DGKI: variants seen among roughly 807,000 people sequenced by gnomAD.
DGKI encodes the protein diacylglycerol kinase iota, also known as DAG kinase iota.
Under a neutral mutation model 147.5 loss-of-function variants are expected in DGKI, and 55 were observed. The ratio of observed to expected loss-of-function variants is 0.37; its 90% CI spans 0.30 to 0.47. The LOEUF is 0.47. Ranked by LOEUF, DGKI falls within the 20% of genes least tolerant of loss-of-function variation. The probability of loss-of-function intolerance (pLI) is 1.00; values close to 1 mark genes in which losing one functional copy is unlikely to be tolerated. For synonymous variants in DGKI, 469 were observed against 477.1 expected (o/e 0.98, Z 0.22); for missense variants, 1,007 against 1,323.8 (o/e 0.76, Z 3.71).
rs1036596940 is a variant in DGKI at position 137,382,638 on chromosome 7, T to C, written c.*8582A>G. The C allele has an allele frequency of 6.6e-6, 1 of 152,102 alleles. No homozygotes were observed. The highest frequency in any genetic ancestry group is 1.5e-5 in the Non-Finnish European group (1 of 67,972). The allele number at this position is 152,102 out of a possible 1,614,324, so 9.4% of individuals were successfully genotyped here. ...AATATCTGCTAACACTATCAGTTGT[T>C]TGAGATTACCATGAGAATTTGTGTT... On this transcript the variant is annotated 3_prime_UTR_variant, in exon 33 of 33. Coordinates refer to ENST00000614521, the MANE Select transcript of DGKI (RefSeq NM_001321708.2).
chr7:137,633,291 C>A (rs949821073), intron 6 of DGKI, among the ~76,000 whole-genome samples: 1 of 151,048 alleles, frequency 6.6e-6, no homozygotes, highest in Non-Finnish European at 1.5e-5. Flanking sequence ...ACAAATCCAT[C>A]AGTATTAATT....
At chr7:137,674,359 T>C (rs1253796065) in intron 3 of DGKI, among the ~76,000 whole-genome samples, 1 of 152,076 alleles carries the variant, frequency 6.6e-6, no homozygotes, top group Non-Finnish European at 1.5e-5. Context: ...CCCTCCAATA[T>C]CAGTCCCCAA....
chr7:137,493,628 C>T (rs1815852143), intron 21 of DGKI, among the ~76,000 whole-genome samples: 1 of 152,082 alleles, frequency 6.6e-6, no homozygotes, highest in South Asian at 2.1e-4. Flanking sequence ...CATAATCAAA[C>T]ACCCAACAAC....
At chr7:137,641,878 C>T (rs577451648) in intron 6 of DGKI, among the ~76,000 whole-genome samples, 2 of 152,294 alleles carry the variant, frequency 1.3e-5, no homozygotes, top group African/African-American at 4.8e-5. Context: ...TACCATAATG[C>T]TAGGTTTGGA....
At chr7:137,775,792 C>G (rs1044428092) in intron 1 of DGKI, among the ~76,000 whole-genome samples, 1 of 152,140 alleles carries the variant, frequency 6.6e-6, no homozygotes, top group Non-Finnish European at 1.5e-5. Flanking sequence ...GGATACTATC[C>G]TATCATTAGA....
In DGKI at chr7:137,485,376, G is replaced by T; in HGVS notation, c.2371C>A (p.Gln791Lys). 6.2e-7 allele frequency: 1 copy of T among 1,606,720 alleles called. No homozygotes were observed. The highest frequency in any genetic ancestry group is 2.2e-5 in the East Asian group (1 of 44,682). ...AAGGAGAGTCAATTATTTGTTACCT[G>T]GTAATGAACTCTCTGGGAGCCAGAA... is the stretch of plus-strand genomic sequence containing the variant. ...VSSGSQRVHY[Q>K]DHETSFPRAL... is the part of the protein sequence containing the mutation. Residue 791 changes from glutamine to lysine, a missense_variant and splice_region_variant, in exon 23 of 33, where the codon CAG (glutamine) becomes AAG (lysine). Transcript: ENST00000614521.
intron 28 of DGKI, among the ~76,000 whole-genome samples, chr7:137,414,360 C>T (rs1412805497): frequency 2.0e-5 from 3 of 152,146 alleles, no homozygotes; most frequent in Admixed American, 6.5e-5. Context: ...AAAAGTGCCT[C>T]GCCATAACAA....
At chr7:137,420,007 T>G (rs558533967) in intron 28 of DGKI, among the ~76,000 whole-genome samples, 1 of 152,368 alleles carries the variant, frequency 6.6e-6, no homozygotes, top group Admixed American at 6.5e-5. Flanking sequence ...AGAGATAGTT[T>G]GTCTTTGTTA....
At chr7:137,396,620 T>C (rs1167876067) in intron 31 of DGKI, among the ~76,000 whole-genome samples, 2 of 152,210 alleles carry the variant, frequency 1.3e-5, no homozygotes, top group Non-Finnish European at 2.9e-5. Flanking sequence ...ACTGCTTCTC[T>C]TCGTCCTCCA....
chr7:137,522,618 T>C (rs948517764), intron 20 of DGKI, among the ~76,000 whole-genome samples: 3 of 152,110 alleles, frequency 2.0e-5, no homozygotes, highest in African/African-American at 7.2e-5. Context: ...TAACTCATTT[T>C]GAAAGAATTC....
At position 137,620,027 on chromosome 7, in the gene DGKI, A is replaced by G. The variant is rs6980225; in HGVS notation, c.877-87T>C. The G allele has an allele frequency of 2.9e-3, 2,005 of 701,262 alleles. 17 individuals carry two copies. The African/African-American group carries it at 0.039, about 14-fold the overall frequency. 43.4% of individuals were successfully genotyped at this position (701,262 alleles called of 1,614,324 possible). ...GATAAATATGTACACACGCACACACACACACACACACACACACACACACAC... is the reference window on the plus strand; with the variant it reads ...GATAAATATGTACACACGCACACACGCACACACACACACACACACACACAC... On this transcript the variant is annotated intron_variant, in intron 7 of 32. Coordinates refer to ENST00000614521, the MANE Select transcript of DGKI (RefSeq NM_001321708.2).
At chr7:137,432,787 A>G (rs1391435719) in intron 28 of DGKI, among the ~76,000 whole-genome samples, 1 of 152,152 alleles carries the variant, frequency 6.6e-6, no homozygotes, top group Non-Finnish European at 1.5e-5. Flanking sequence ...AAACAATACT[A>G]TGGGGTCATT....
chr7:137,567,868 G>A lies in DGKI; in HGVS notation c.1947+3307C>T, dbSNP rs145125013. Among the ~76,000 whole-genome samples the A allele has an allele frequency of 5.0e-3, 761 of 152,202 alleles. 3 individuals carry two copies. Among genetic ancestry groups the A allele is most frequent in the African/African-American group, 0.018 (734 of 41,510 alleles). ...ATGGATAAAATGATATATATGCTAT[G>A]CATATGATGTATATATGACATATAT... On this transcript the variant is annotated intron_variant, in intron 19 of 32. Transcript: ENST00000614521.
chr7:137,412,197 C>T lies in DGKI; in HGVS notation c.2772G>A (p.Gln924=), dbSNP rs1256189126. 2 of 1,613,880 alleles carry T rather than the reference C, an allele frequency of 1.2e-6. No individual in the cohort carries two copies. Among genetic ancestry groups the T allele is most frequent in the Non-Finnish European group, 1.7e-6 (2 of 1,179,806 alleles). The change falls in exon 29 of 33, where the codon CAG becomes CAA. Residue 924 remains glutamine, a synonymous_variant. Coordinates refer to ENST00000614521, the MANE Select transcript of DGKI (RefSeq NM_001321708.2). ...TCATAAGATCACCAGCTATTACTGC[C>T]TGCAAAATTGCTGTGAAAGACAAAA... ...PVSSEDHAIL[Q]AVIAGDLMKL...
intron 28 of DGKI, among the ~76,000 whole-genome samples, chr7:137,437,927 A>G (rs1466037097): frequency 2.6e-5 from 4 of 152,150 alleles, no homozygotes; most frequent in African/African-American, 9.6e-5. Context: ...TTTATCTCTT[A>G]CCAAACCACA....
At chr7:137,707,931 T>C (rs911285825) in intron 1 of DGKI, among the ~76,000 whole-genome samples, 9 of 152,208 alleles carry the variant, frequency 5.9e-5, no homozygotes, top group Admixed American at 4.6e-4. Context: ...TTTTGTTTTG[T>C]TTTGTTTTTT....
At chr7:137,767,386 A>G (rs1482119437) in intron 1 of DGKI, among the ~76,000 whole-genome samples, 4 of 152,152 alleles carry the variant, frequency 2.6e-5, no homozygotes, top group Non-Finnish European at 5.9e-5. Flanking sequence ...GTCAAAGGTA[A>G]TGAAGAGATA....
intron 1 of DGKI, among the ~76,000 whole-genome samples, chr7:137,817,272 T>C (rs924983506): frequency 6.6e-6 from 1 of 152,196 alleles, no homozygotes. Context: ...AAGTGTCTCA[T>C]TGTCTAATTC....
intron 1 of DGKI, among the ~76,000 whole-genome samples, chr7:137,796,042 G>C (rs1563201549): frequency 6.6e-6 from 1 of 152,142 alleles, no homozygotes; most frequent in African/African-American, 2.4e-5. Context: ...GATTTCCAAG[G>C]ATGCTCTATT....
Sources: allele counts gnomAD v4.1 joint callset (sites outside exome capture counted in the v4.1 genomes callset), GRCh38; gene constraint gnomAD v4.1.1; transcripts MANE v1.5; gene names NCBI Gene and HGNC (gene_info 2026-07-23, HGNC 2026-07-21).